Variants in PRR5 observed in about 807,000 individuals in gnomAD.
PRR5 encodes the protein proline-rich protein 5.
A neutral mutation model predicts 30.6 loss-of-function variants in PRR5; 25 were observed. The observed-to-expected ratio is 0.82, with a 90% CI of 0.60 to 1.14. The LOEUF is 1.14. Among genes scored for constraint, PRR5 ranks in the 50% most tolerant of loss-of-function variants. The probability of loss-of-function intolerance (pLI) is 0.00; values close to 1 mark genes in which losing one functional copy is unlikely to be tolerated. For missense variants in PRR5, 600 were observed against 547.1 expected (o/e 1.10, Z -0.96); for synonymous variants, 286 against 247.1 (o/e 1.16, Z -1.48).
rs762851217 is a variant in PRR5 at position 44,714,678 on chromosome 22, G to A, written c.215+7G>A. The A allele has an allele frequency of 2.5e-6, 4 of 1,613,722 alleles. No individual in the cohort carries two copies. The highest frequency in any genetic ancestry group is 2.5e-6 in the Non-Finnish European group (3 of 1,179,946). ...GCCTCAACGAGGGCGTCCGGTGAGT[G>A]CCTGTCCCACCTTGGTCCAGGGTCC... On this transcript the variant is annotated splice_region_variant and intron_variant, in intron 2 of 7. Transcript: ENST00000336985.
At chr22:44,681,811 G>A (rs901143353) in intron 1 of PRR5, among the ~76,000 whole-genome samples, 15 of 152,192 alleles carry the variant, frequency 9.9e-5, no homozygotes, top group African/African-American at 3.6e-4. Flanking sequence ...TGGGGCTCAC[G>A]GAGGGCTGAG....
chr22:44,726,775 C>T (rs915548399), intron 4 of PRR5, 141 bp downstream of exon 4: 5 of 1,308,856 alleles, frequency 3.8e-6, no homozygotes, highest in Non-Finnish European at 5.3e-6. Flanking sequence ...CACGTATAGC[C>T]TTAGGGCAGC....
intron 1 of PRR5, among the ~76,000 whole-genome samples, chr22:44,690,126 G>C (rs1925116051): frequency 6.6e-6 from 1 of 152,156 alleles, no homozygotes; most frequent in African/African-American, 2.4e-5. Flanking sequence ...GAGGGGGCAG[G>C]CTGCAGAAGT....
intron 1 of PRR5, among the ~76,000 whole-genome samples, chr22:44,692,497 C>T (rs1199635168): frequency 2.2e-5 from 3 of 139,380 alleles, no homozygotes; most frequent in African/African-American, 8.0e-5. Context: ...TCCCAGGGCT[C>T]CTCCACCTGG....
intron 1 of PRR5, among the ~76,000 whole-genome samples, chr22:44,694,873 C>G (rs943656860): frequency 1.3e-5 from 2 of 152,076 alleles, no homozygotes; most frequent in African/African-American, 4.8e-5. Context: ...AGCTATCAAC[C>G]TAAATGACAA....
chr22:44,731,938 C>G (rs893714915), intron 5 of PRR5, 117 bp downstream of exon 5: 3 of 1,093,516 alleles, frequency 2.7e-6, no homozygotes, highest in Non-Finnish European at 3.9e-6. Context: ...CTGCTCTGTG[C>G]TGCTCTCCTT....
chr22:44,725,265 G>C lies in PRR5; in HGVS notation c.237G>C (p.Leu79=). 6.2e-7 allele frequency: 1 copy of C among 1,613,860 alleles called. No homozygotes were observed. Among genetic ancestry groups the C allele is most frequent in the Non-Finnish European group, 8.5e-7 (1 of 1,179,980 alleles). The change falls in exon 3 of 8, where the codon CTG becomes CTC. Residue 79 remains leucine, a synonymous_variant. Transcript: ENST00000336985. ...ACAGGCAGCTGTTGAAGACAGAGCT[G>C]GGGTCCTTCTTCACGGAGTACCTGC... is the stretch of plus-strand genomic sequence containing the variant. ...EGVRQLLKTE[L]GSFFTEYLQN...
At chr22:44,716,855 G>A (rs1193445891) in intron 2 of PRR5, among the ~76,000 whole-genome samples, 1 of 152,124 alleles carries the variant, frequency 6.6e-6, no homozygotes, top group African/African-American at 2.4e-5. Context: ...GCGTTCAGGA[G>A]TTCAAAACCA....
At chr22:44,693,584 CTG>C (rs1448123403) in intron 1 of PRR5, among the ~76,000 whole-genome samples, 2 of 147,498 alleles carry the variant, frequency 1.4e-5, no homozygotes, top group Non-Finnish European at 3.0e-5. Flanking sequence ...CTCTGGGTCT[CTG>C]TATCTCTGTG....
At chr22:44,676,265 C>T (rs1174543720), upstream of PRR5, among the ~76,000 whole-genome samples, 1 of 151,196 alleles carries the variant, frequency 6.6e-6, no homozygotes, top group African/African-American at 2.4e-5. Context: ...GTGGCATGCA[C>T]TTGTGGTCTT....
intron 1 of PRR5, among the ~76,000 whole-genome samples, chr22:44,709,679 C>A (rs762426088): frequency 6.6e-6 from 1 of 152,130 alleles, no homozygotes. Context: ...TGGTGGAACC[C>A]CATCTCTACT....
At chr22:44,722,224 G>A (rs918552522) in intron 2 of PRR5, among the ~76,000 whole-genome samples, 8 of 152,226 alleles carry the variant, frequency 5.3e-5, no homozygotes, top group Non-Finnish European at 1.2e-4. Flanking sequence ...CAGGAGCAGG[G>A]CCAGGCTCCA....
Position 44,702,413 on chromosome 22 carries a change from C to CGGCGTGGCGCAG in PRR5, c.-57_-46dup. 8.1e-7 allele frequency: 1 copy of CGGCGTGGCGCAG among 1,237,280 alleles called. No individual in the cohort carries two copies. 76.6% of individuals were successfully genotyped at this position (1,237,280 alleles called of 1,614,324 possible). A position where few individuals can be genotyped will look rare whatever the true frequency, so the allele number is the denominator to read the frequency against. ...CATCGCCGGCCCGGGGCCCTTGGTG[C>CGGCGTGGCGCAG]GGCGTGGCGCAGGGCGCGGCGTGGG... On this transcript the variant is annotated 5_prime_UTR_variant, in exon 1 of 8. Coordinates refer to ENST00000336985, the MANE Select transcript of PRR5 (RefSeq NM_181333.4).
chr22:44,713,392 C>T (rs990636805), intron 1 of PRR5, among the ~76,000 whole-genome samples: 2 of 152,200 alleles, frequency 1.3e-5, no homozygotes, highest in African/African-American at 4.8e-5. Flanking sequence ...CCACCCCGCT[C>T]GGCCTAATTT....
At chr22:44,731,359 G>C in intron 4 of PRR5, 1 of 337,622 alleles carries the variant, frequency 3.0e-6, no homozygotes, top group Non-Finnish European at 5.7e-6. Context: ...ACCTGTGCCA[G>C]GTGTATACCT....
At chr22:44,706,946 G>T (rs561672101) in intron 1 of PRR5, among the ~76,000 whole-genome samples, 2 of 152,252 alleles carry the variant, frequency 1.3e-5, no homozygotes, top group East Asian at 3.9e-4. Flanking sequence ...CTTATTTATT[G>T]GTCAGGTTTT....
chr22:44,730,283 G>T (rs147296671), intron 4 of PRR5: 1 of 985,072 alleles, frequency 1.0e-6, no homozygotes, highest in East Asian at 1.1e-4. Flanking sequence ...AGCCGGCAAC[G>T]CTTCCCTCTT....
chr22:44,690,421 T>C (rs965826932), intron 1 of PRR5, among the ~76,000 whole-genome samples: 8 of 151,808 alleles, frequency 5.3e-5, no homozygotes, highest in African/African-American at 1.9e-4. Flanking sequence ...CATGGTGGGG[T>C]TGGGGGGAAC....
At chr22:44,692,638 C>CT in intron 1 of PRR5, among the ~76,000 whole-genome samples, 1 of 152,332 alleles carries the variant, frequency 6.6e-6, no homozygotes, top group African/African-American at 2.4e-5. Flanking sequence ...AGTGTGAACT[C>CT]TGACATCCCA....
Sources: gnomAD v4.1 joint callset for allele counts (sites outside exome capture counted in the v4.1 genomes callset) on GRCh38, gnomAD v4.1.1 for gene constraint, MANE v1.5 for transcripts, NCBI Gene and HGNC (gene_info 2026-07-23, HGNC 2026-07-21) for gene names.